LDB2: variants seen among roughly 807,000 people sequenced by gnomAD.
LDB2 encodes the protein LIM domain binding 2, also known as LIM domain-binding protein 2.
Under a neutral mutation model 44.3 loss-of-function variants are expected in LDB2, and 12 were observed. The observed-to-expected ratio is 0.27, with a 90% CI of 0.17 to 0.44. LDB2 has a LOEUF of 0.44. Ranked by LOEUF, LDB2 falls within the 20% of genes least tolerant of loss-of-function variation. The pLI is 1.00. For synonymous variants in LDB2, 164 were observed against 174.8 expected, an observed-to-expected ratio of 0.94 and a Z score of 0.49; for missense variants, 344 against 473.5, an observed-to-expected ratio of 0.73 and a Z score of 2.54.
chr4:16,785,000 G>A (rs946467032), intron 1 of LDB2, among the ~76,000 whole-genome samples: 1 of 82,834 alleles, frequency 1.2e-5, no homozygotes, highest in African/African-American at 3.1e-5. Flanking sequence ...CTCTATAATT[G>A]AAGAACAGTT....
At chr4:16,584,031 C>T (rs551349844) in intron 5 of LDB2, among the ~76,000 whole-genome samples, 37 of 152,270 alleles carry the variant, frequency 2.4e-4, no homozygotes, top group East Asian at 9.7e-4. Context: ...TGAATCACGA[C>T]GCACAAGTCA....
intron 4 of LDB2, 80 bp downstream of exon 4, chr4:16,588,630 G>A (rs1717838844): frequency 9.9e-6 from 14 of 1,421,032 alleles, no homozygotes; most frequent in Admixed American, 1.8e-5. Context: ...TTCACAGAGA[G>A]AGGACTGGGT....
intron 1 of LDB2, among the ~76,000 whole-genome samples, chr4:16,782,034 G>T (rs944986414): frequency 2.6e-5 from 4 of 152,186 alleles, no homozygotes; most frequent in African/African-American, 7.2e-5. Context: ...TTATTTTCAA[G>T]CCACCAGTGT....
chr4:16,627,261 C>T (rs1208424869), intron 2 of LDB2, among the ~76,000 whole-genome samples: 2 of 152,120 alleles, frequency 1.3e-5, no homozygotes, highest in African/African-American at 4.8e-5. Context: ...AAATCATCAT[C>T]GAAGATACTA....
chr4:16,802,665 T>A (rs1561281227), intron 1 of LDB2, among the ~76,000 whole-genome samples: 1 of 152,206 alleles, frequency 6.6e-6, no homozygotes, highest in Non-Finnish European at 1.5e-5. Context: ...ATGGTTTGAC[T>A]GTGTCCCCAC....
intron 5 of LDB2, among the ~76,000 whole-genome samples, chr4:16,520,181 C>T (rs965005751): frequency 1.3e-5 from 2 of 151,854 alleles, no homozygotes; most frequent in South Asian, 2.1e-4. Flanking sequence ...TAAATCCGTA[C>T]CAGAAAGACA....
chr4:16,549,605 G>C (rs1736929703), intron 5 of LDB2, among the ~76,000 whole-genome samples: 1 of 152,164 alleles, frequency 6.6e-6, no homozygotes, highest in African/African-American at 2.4e-5. Flanking sequence ...CAACACAGCA[G>C]TGGGGCCTTC....
intron 5 of LDB2, among the ~76,000 whole-genome samples, chr4:16,564,348 G>A (rs373158679): frequency 5.9e-5 from 9 of 152,100 alleles, no homozygotes; most frequent in East Asian, 5.8e-4. Context: ...GTGACAGACC[G>A]AGATTCTATC....
chr4:16,587,968 G>A (rs1267885525), intron 4 of LDB2, among the ~76,000 whole-genome samples: 1 of 152,104 alleles, frequency 6.6e-6, no homozygotes, highest in Non-Finnish European at 1.5e-5. Flanking sequence ...TGATTGTTCA[G>A]GGTCTTTAAA....
At chr4:16,579,079 G>A (rs1324176765) in intron 5 of LDB2, among the ~76,000 whole-genome samples, 1 of 152,132 alleles carries the variant, frequency 6.6e-6, no homozygotes, top group Non-Finnish European at 1.5e-5. Context: ...TGGTTAATTG[G>A]TGCCCAAACA....
chr4:16,724,694 C>G (rs1759051844), intron 2 of LDB2, among the ~76,000 whole-genome samples: 1 of 152,130 alleles, frequency 6.6e-6, no homozygotes, highest in Admixed American at 6.6e-5. Flanking sequence ...CATTGATTAG[C>G]AAGCCCAAAT....
At chr4:16,725,777 G>A (rs1356600621) in intron 2 of LDB2, among the ~76,000 whole-genome samples, 3 of 151,868 alleles carry the variant, frequency 2.0e-5, no homozygotes, top group Non-Finnish European at 4.4e-5. Context: ...TCTACCAAAA[G>A]CAAGTGACAG....
chr4:16,562,846 G>T (rs1742917600), intron 5 of LDB2, among the ~76,000 whole-genome samples: 1 of 152,200 alleles, frequency 6.6e-6, no homozygotes, highest in East Asian at 1.9e-4. Context: ...ACTGGATTAA[G>T]AAAATGTGGC....
chr4:16,867,465 G>T (rs1444872560), intron 1 of LDB2, among the ~76,000 whole-genome samples: 1 of 152,156 alleles, frequency 6.6e-6, no homozygotes, highest in Non-Finnish European at 1.5e-5. Context: ...CAACTCTTAA[G>T]AAATAGCCCA....
intron 2 of LDB2, among the ~76,000 whole-genome samples, chr4:16,746,878 C>T (rs895494636): frequency 2.6e-5 from 4 of 152,114 alleles, no homozygotes; most frequent in Non-Finnish European, 5.9e-5. Context: ...GTCATCTTCT[C>T]CTCAGGGTTC....
chr4:16,723,478 C>T (rs1043540590), intron 2 of LDB2, among the ~76,000 whole-genome samples: 2 of 152,114 alleles, frequency 1.3e-5, no homozygotes, highest in Non-Finnish European at 2.9e-5. Context: ...CTAATTACCT[C>T]TTAAAGGTCT....
chr4:16,810,382 C>T (rs573297676), intron 1 of LDB2, among the ~76,000 whole-genome samples: 25 of 152,248 alleles, frequency 1.6e-4, no homozygotes, highest in African/African-American at 5.1e-4. Context: ...CTATGTTGAA[C>T]TTTATTAATT....
chr4:16,889,252 A>G (rs1196980261), intron 1 of LDB2: 3 of 152,204 alleles, frequency 2.0e-5, no homozygotes, highest in Non-Finnish European at 4.4e-5. Context: ...TAAAATGCAA[A>G]GTGCTCCAGG....
At chr4:16,641,778 T>C (rs1251389805) in intron 2 of LDB2, among the ~76,000 whole-genome samples, 1 of 151,984 alleles carries the variant, frequency 6.6e-6, no homozygotes, top group African/African-American at 2.4e-5. Context: ...ATACAAACTA[T>C]GTCAGTAACT....
Sources: allele counts gnomAD v4.1 joint callset (sites outside exome capture counted in the v4.1 genomes callset), GRCh38; gene constraint gnomAD v4.1.1; transcripts MANE v1.5; gene names NCBI Gene and HGNC (gene_info 2026-07-23, HGNC 2026-07-21).